MTMR1: variants seen among roughly 807,000 people sequenced by gnomAD.
MTMR1 encodes phosphatidylinositol-3-phosphate phosphatase MTMR1.
A neutral mutation model predicts 51.6 loss-of-function variants in MTMR1; 17 were observed. The ratio of observed to expected loss-of-function variants is 0.33; its 90% confidence interval spans 0.23 to 0.49. The LOEUF (loss-of-function observed/expected upper bound fraction) is 0.49, where lower values mean the gene tolerates loss of function less well. MTMR1 is among the 20% of genes least tolerant of loss of function. The pLI, the probability that MTMR1 is intolerant of heterozygous loss-of-function variation, is 0.99. For synonymous variants in MTMR1, 201 were observed against 205.6 expected, an observed-to-expected ratio of 0.98 and a Z score of 0.19; for missense variants, 386 against 526.9, an observed-to-expected ratio of 0.73 and a Z score of 2.62.
At chrX:150,750,971 C>A in intron 14 of MTMR1, 128 bp downstream of exon 14, 1 of 1,092,419 alleles carries the variant, frequency 9.2e-7, no homozygotes, top group Non-Finnish European at 1.2e-6. Flanking sequence ...TGTAAATGCC[C>A]TCCCAGGGTT....
intron 4 of MTMR1, among the ~76,000 whole-genome samples, chrX:150,722,475 C>T (rs1281657882): frequency 8.9e-6 from 1 of 111,758 alleles, no homozygotes; most frequent in Non-Finnish European, 1.9e-5. Flanking sequence ...ATGAAATGAC[C>T]TTCTTTATTC....
At chrX:150,740,173 TACA>T (rs2042384325) in intron 12 of MTMR1, among the ~76,000 whole-genome samples, 1 of 111,791 alleles carries the variant, frequency 8.9e-6, no homozygotes, top group Non-Finnish European at 1.9e-5. Context: ...TGCTCTTCTT[TACA>T]ACAATGTCCT....
chrX:150,742,960 C>T (rs1603264409), intron 12 of MTMR1, among the ~76,000 whole-genome samples: 3 of 110,879 alleles, frequency 2.7e-5, no homozygotes, highest in Non-Finnish European at 5.7e-5. Flanking sequence ...GTGAAATGGT[C>T]ATTGCCAGGG....
chrX:150,693,356 C>CCG (rs2040541476), upstream of MTMR1: 7 of 626,968 alleles, frequency 1.1e-5, no homozygotes, highest in Non-Finnish European at 1.3e-5. Flanking sequence ...CCCCCGACCC[C>CCG]CGCGCGCGCG....
rs2043236877 is a variant in MTMR1 at position 150,764,500 on chromosome X, T to C, written c.*1771T>C. 1 of 111,661 alleles carries C rather than the reference T, an allele frequency of 9.0e-6. No individual in the cohort carries two copies. Among genetic ancestry groups the C allele is most frequent in the Non-Finnish European group, 1.9e-5 (1 of 53,196 alleles). The allele number at this position is 111,661 out of a possible 1,213,427, so 9.2% of individuals were successfully genotyped here. A position where few individuals can be genotyped will look rare whatever the true frequency, so the allele number is the denominator to read the frequency against. On this transcript the variant is annotated 3_prime_UTR_variant, in exon 16 of 16. Transcript: ENST00000445323. ...TTTTTTTTAATGGGGACATTTGCCATTTTCTTCCCAGAAATATGTAATCCC... is the reference window on the plus strand; with the variant it reads ...TTTTTTTTAATGGGGACATTTGCCACTTTCTTCCCAGAAATATGTAATCCC...
At chrX:150,708,629 A>T (rs2041200998) in intron 2 of MTMR1, among the ~76,000 whole-genome samples, 1 of 111,500 alleles carries the variant, frequency 9.0e-6, no homozygotes, top group African/African-American at 3.3e-5. Flanking sequence ...ATCACTATCA[A>T]CTTTTTTTGC....
At chrX:150,758,877 A>T (rs2042988798) in intron 15 of MTMR1, among the ~76,000 whole-genome samples, 1 of 111,373 alleles carries the variant, frequency 9.0e-6, no homozygotes, top group Non-Finnish European at 1.9e-5. Flanking sequence ...TTATTAATTG[A>T]TCTTTAAGTT....
At chrX:150,693,226 G>A (rs2040536467), upstream of MTMR1, 1 of 115,696 alleles carries the variant, frequency 8.6e-6, no homozygotes, top group Non-Finnish European at 1.8e-5. Context: ...CAGGTCGCTG[G>A]AGCAGGAGGT....
chrX:150,702,146 T>A (rs1557415960), intron 2 of MTMR1, among the ~76,000 whole-genome samples: 1 of 105,275 alleles, frequency 9.5e-6, no homozygotes, highest in East Asian at 2.9e-4. Flanking sequence ...GGTCTTGAAC[T>A]CCTGGGCTCG....
chrX:150,713,635 T>C (rs1557416293), intron 3 of MTMR1, among the ~76,000 whole-genome samples: 1 of 111,600 alleles, frequency 9.0e-6, no homozygotes, highest in Non-Finnish European at 1.9e-5. Flanking sequence ...TAAAAAGAGA[T>C]TACAATCTTG....
chrX:150,704,495 C>T (rs1419065562), intron 2 of MTMR1, among the ~76,000 whole-genome samples: 1 of 111,749 alleles, frequency 8.9e-6, no homozygotes, highest in African/African-American at 3.3e-5. Flanking sequence ...CTTTCACTGT[C>T]ATCTATTGGT....
At chrX:150,732,842 T>C (rs1180941345) in intron 10 of MTMR1, 112 bp downstream of exon 10, 1 of 757,681 alleles carries the variant, frequency 1.3e-6, no homozygotes, top group African/African-American at 2.1e-5. Flanking sequence ...GTTAGAATCA[T>C]TTGGAGTCCC....
chrX:150,720,487 T>C (rs1227191173), intron 4 of MTMR1, among the ~76,000 whole-genome samples: 1 of 112,385 alleles, frequency 8.9e-6, no homozygotes, highest in African/African-American at 3.2e-5. Flanking sequence ...TGGATAGAAT[T>C]CCATTATATG....
chrX:150,730,231 C>T (rs1230556247), intron 7 of MTMR1, 21 bp downstream of exon 7: 7 of 1,067,056 alleles, frequency 6.6e-6, no homozygotes, highest in Non-Finnish European at 8.9e-6. Flanking sequence ...CAGAGTAAAC[C>T]TTTTCTGCAT....
At chrX:150,720,569 C>G (rs900129705) in intron 4 of MTMR1, among the ~76,000 whole-genome samples, 3 of 112,028 alleles carry the variant, frequency 2.7e-5, no homozygotes, top group Admixed American at 9.5e-5. Context: ...TCGGCTGTTA[C>G]AAATAAAGCT....
rs2040816123 is a variant in MTMR1 at position 150,699,184 on chromosome X, A to T, written c.147-11A>T. 1.8e-6 allele frequency: 2 copies of T among 1,106,373 alleles called. No homozygotes were observed. The highest frequency in any genetic ancestry group is 3.7e-5 in the African/African-American group (2 of 54,218). The allele number at this position is 1,106,373 out of a possible 1,213,427, so 91.2% of individuals were successfully genotyped here. A position where few individuals can be genotyped will look rare whatever the true frequency, so the allele number is the denominator to read the frequency against. On this transcript the variant is annotated splice_polypyrimidine_tract_variant and intron_variant, in intron 1 of 15. Transcript: ENST00000445323. The stretch of plus-strand genomic sequence containing the variant: ...GATATAACGTTTTGTAATCCATGCT[A>T]TTTTTTTTAGTCCCACAGGATCACA...
intron 12 of MTMR1, 54 bp from the exon 13 acceptor site, chrX:150,744,307 T>C (rs2042517074): frequency 9.7e-7 from 1 of 1,025,939 alleles, no homozygotes; most frequent in African/African-American, 1.9e-5. Context: ...TTACAGTGAC[T>C]TTCAAGAGGA....
At chrX:150,697,524 C>G (rs2040720314) in intron 1 of MTMR1, among the ~76,000 whole-genome samples, 1 of 111,095 alleles carries the variant, frequency 9.0e-6, no homozygotes, top group Admixed American at 9.5e-5. Context: ...TTTTAGCCCT[C>G]TAGCTTGATT....
At position 150,750,928 on chromosome X, in the gene MTMR1, G is replaced by A. The variant is rs2042709814; in HGVS notation, c.1680+85G>A. 4.9e-6 allele frequency: 5 copies of A among 1,022,398 alleles called. No homozygotes were observed. The East Asian group carries it at 9.3e-5, about 19-fold the overall frequency. 84.3% of individuals were successfully genotyped at this position (1,022,398 alleles called of 1,213,427 possible). A position where few individuals can be genotyped will look rare whatever the true frequency, so the allele number is the denominator to read the frequency against. On this transcript the variant is annotated intron_variant, in intron 14 of 15. Transcript: ENST00000445323. ...AGTGCTACTGTAGGAGGGCTGAGGG[G>A]AGGGAGGACTGCGCTCTGGTGCTAT...
Sources: gnomAD v4.1 joint callset for allele counts (sites outside exome capture counted in the v4.1 genomes callset) on GRCh38, gnomAD v4.1.1 for gene constraint, MANE v1.5 for transcripts, NCBI Gene and HGNC (gene_info 2026-07-23, HGNC 2026-07-21) for gene names.